The following NTM variants were observed in gnomAD, a reference collection of about 807,000 sequenced individuals.
NTM encodes neurotrimin.
NTM carries 13 observed loss-of-function variants against 42.1 expected under a neutral mutation model. That is an observed-to-expected ratio of 0.31 (90% CI 0.20 to 0.49). The LOEUF (loss-of-function observed/expected upper bound fraction) is 0.49, where lower values mean the gene tolerates loss of function less well. Ranked by LOEUF, NTM falls within the 20% of genes least tolerant of loss-of-function variation. NTM has a pLI of 0.99. For synonymous variants in NTM, 187 were observed against 179.2 expected, an observed-to-expected ratio of 1.04 and a Z score of -0.35; for missense variants, 373 against 452.8, an observed-to-expected ratio of 0.82 and a Z score of 1.60.
At chr11:131,377,330 C>G (rs1055044138) in intron 1 of NTM, among the ~76,000 whole-genome samples, 1 of 152,180 alleles carries the variant, frequency 6.6e-6, no homozygotes, top group East Asian at 1.9e-4. Flanking sequence ...GTTTGAGTTA[C>G]TGGTTGATGC....
At chr11:132,212,536 T>G (rs1189510688) in intron 4 of NTM, among the ~76,000 whole-genome samples, 1 of 152,212 alleles carries the variant, frequency 6.6e-6, no homozygotes, top group African/African-American at 2.4e-5. Context: ...ATGGCCATAT[T>G]CCTAAAAGGA....
At chr11:131,542,254 G>A (rs1279421352) in intron 1 of NTM, among the ~76,000 whole-genome samples, 1 of 152,200 alleles carries the variant, frequency 6.6e-6, no homozygotes, top group African/African-American at 2.4e-5. Context: ...TTTGAGATGA[G>A]CCTTGAAGCT....
chr11:131,489,710 C>T (rs943518618), intron 1 of NTM, among the ~76,000 whole-genome samples: 1 of 152,166 alleles, frequency 6.6e-6, no homozygotes, highest in Non-Finnish European at 1.5e-5. Context: ...AATTCTTTGG[C>T]TCCTCTCTCC....
At chr11:131,389,341 C>A (rs80343295) in intron 1 of NTM, among the ~76,000 whole-genome samples, 1 of 152,188 alleles carries the variant, frequency 6.6e-6, no homozygotes, top group Non-Finnish European at 1.5e-5. Flanking sequence ...GCTGGGGGAG[C>A]GGCTTGCTGA....
chr11:131,612,606 GTTAAA>G (rs1332333782), intron 1 of NTM, among the ~76,000 whole-genome samples: 3 of 152,248 alleles, frequency 2.0e-5, no homozygotes, highest in Admixed American at 6.5e-5. Flanking sequence ...TGCTTATTGA[GTTAAA>G]TTGAATTGAA....
At chr11:131,594,001 G>A (rs759607663) in intron 1 of NTM, among the ~76,000 whole-genome samples, 3 of 152,210 alleles carry the variant, frequency 2.0e-5, no homozygotes, top group Non-Finnish European at 4.4e-5. Context: ...TCAGGTTGCT[G>A]CCCAGAGATT....
chr11:132,009,771 T>C (rs1173186254), intron 2 of NTM, among the ~76,000 whole-genome samples: 1 of 152,212 alleles, frequency 6.6e-6, no homozygotes, highest in Admixed American at 6.5e-5. Flanking sequence ...GGTTATTACA[T>C]TTGTGATTAA....
intron 1 of NTM, among the ~76,000 whole-genome samples, chr11:131,519,150 G>A (rs1455514556): frequency 1.3e-5 from 2 of 152,192 alleles, no homozygotes. Context: ...ACTTCATGAG[G>A]AGAAGCCCTG....
intron 2 of NTM, among the ~76,000 whole-genome samples, chr11:132,051,195 GT>G (rs2078803891): frequency 6.6e-6 from 1 of 152,152 alleles, no homozygotes; most frequent in Admixed American, 6.5e-5. Flanking sequence ...TTATTTATTT[GT>G]AACATATGAC....
At chr11:132,124,795 C>T (rs752334979) in intron 2 of NTM, among the ~76,000 whole-genome samples, 6 of 152,124 alleles carry the variant, frequency 3.9e-5, no homozygotes, top group Non-Finnish European at 7.3e-5. Flanking sequence ...GCCTCAGCAA[C>T]ATAACAAGAC....
chr11:132,049,686 G>A (rs1018674164), intron 2 of NTM, among the ~76,000 whole-genome samples: 6 of 152,200 alleles, frequency 3.9e-5, no homozygotes, highest in Non-Finnish European at 7.4e-5. Flanking sequence ...CTGGTGGGAT[G>A]TGACACCTCT....
chr11:131,957,376 G>A (rs986326173), intron 2 of NTM, among the ~76,000 whole-genome samples: 1 of 152,218 alleles, frequency 6.6e-6, no homozygotes, highest in South Asian at 2.1e-4. Context: ...CAGTCTCTGG[G>A]TTTATCCCAG....
chr11:131,746,844 A>G (rs543544334), intron 1 of NTM, among the ~76,000 whole-genome samples: 1 of 152,312 alleles, frequency 6.6e-6, no homozygotes, highest in South Asian at 2.1e-4. Flanking sequence ...TATTATAACA[A>G]TGAGTCAGTG....
At chr11:132,170,412 C>T (rs1246315339) in intron 3 of NTM, among the ~76,000 whole-genome samples, 1 of 152,184 alleles carries the variant, frequency 6.6e-6, no homozygotes, top group African/African-American at 2.4e-5. Flanking sequence ...TCATCTAGGT[C>T]TTACTTCCTT....
rs533631268 is a variant in NTM at position 132,316,558 on chromosome 11, G to A, written c.934+1855G>A. Among the ~76,000 whole-genome samples, 16 of 152,268 alleles carry A rather than the reference G, an allele frequency of 1.1e-4. No individual in the cohort carries two copies. The South Asian group carries it at 3.3e-3, about 32-fold the overall frequency. ...ACCAAGATGAGTGGGGTACATGTGG[G>A]GATGTTCTTTAATGCCAGAAGTCCC... is the stretch of plus-strand genomic sequence containing the variant. On this transcript the variant is annotated intron_variant, in intron 7 of 8. Transcript: ENST00000683400.
chr11:132,069,004 A>T (rs191601301), intron 2 of NTM, among the ~76,000 whole-genome samples: 1 of 152,268 alleles, frequency 6.6e-6, no homozygotes, highest in African/African-American at 2.4e-5. Flanking sequence ...TTAGTATTTG[A>T]TTGACTAACT....
intron 1 of NTM, among the ~76,000 whole-genome samples, chr11:131,416,665 G>C (rs1415098915): frequency 6.6e-6 from 1 of 152,160 alleles, no homozygotes; most frequent in Non-Finnish European, 1.5e-5. Context: ...TCTTGGGTGA[G>C]GCAAAGAAAG....
chr11:132,134,757 A>ATC lies in NTM; in HGVS notation c.168-11524_168-11523insCT, dbSNP rs111260161. On this transcript the variant is annotated intron_variant, in intron 2 of 8. Coordinates refer to ENST00000683400, the MANE Select transcript of NTM (RefSeq NM_001352005.2). ...TATATATATATATATATATATATAT[A>ATC]TATCTCACATTTTCTTTATCTATTC... 2.1e-4 allele frequency among the ~76,000 whole-genome samples: 20 copies of ATC among 97,300 alleles called. 1 individual carries two copies. The highest frequency in any genetic ancestry group is 4.3e-4 in the East Asian group (1 of 2,326). 63.8% of individuals were successfully genotyped at this position (97,300 alleles called of 152,430 possible).
At chr11:131,756,919 C>A (rs2135757087) in intron 1 of NTM, among the ~76,000 whole-genome samples, 2 of 152,236 alleles carry the variant, frequency 1.3e-5, no homozygotes, top group South Asian at 4.1e-4. Context: ...ATCAGTGAAG[C>A]AGAATCAGGG....
Sources: gnomAD v4.1 joint callset for allele counts (sites outside exome capture counted in the v4.1 genomes callset) on GRCh38, gnomAD v4.1.1 for gene constraint, MANE v1.5 for transcripts, NCBI Gene and HGNC (gene_info 2026-07-23, HGNC 2026-07-21) for gene names.